Variants in PCDH15 observed in about 807,000 individuals in gnomAD.
The protein encoded by PCDH15 is protocadherin-15.
PCDH15 carries 129 observed loss-of-function variants against 178.5 expected under a neutral mutation model. The ratio of observed to expected loss-of-function variants is 0.72; its 90% CI spans 0.63 to 0.84. The LOEUF is 0.84. Ranked by LOEUF, PCDH15 falls within the 40% of genes least tolerant of loss-of-function variation. The pLI is 0.00. For synonymous variants in PCDH15, 800 were observed against 732.0 expected (o/e 1.09, Z -1.50); for missense variants, 2,230 against 2,099.9 (o/e 1.06, Z -1.21).
At chr10:55,426,685 C>T (rs1456942126) in intron 2 of PCDH15, among the ~76,000 whole-genome samples, 1 of 152,124 alleles carries the variant, frequency 6.6e-6, no homozygotes, top group African/African-American at 2.4e-5. Flanking sequence ...GGTATCCAAG[C>T]TCTTGTCCAA....
chr10:55,183,738 T>C (rs895625235), intron 1 of PCDH15, among the ~76,000 whole-genome samples: 2 of 151,718 alleles, frequency 1.3e-5, no homozygotes, highest in African/African-American at 4.8e-5. Context: ...TCCAGCAGAA[T>C]GTAATTTGGT....
chr10:54,419,475 T>C (rs567833038), intron 3 of PCDH15, among the ~76,000 whole-genome samples: 5 of 152,234 alleles, frequency 3.3e-5, no homozygotes, highest in Non-Finnish European at 7.4e-5. Flanking sequence ...TTCATTATCT[T>C]AACTAGATTC....
chr10:54,749,330 T>G (rs1175920066), intron 1 of PCDH15, among the ~76,000 whole-genome samples: 1 of 152,170 alleles, frequency 6.6e-6, no homozygotes, highest in African/African-American at 2.4e-5. Flanking sequence ...TACAAAGTAG[T>G]TAGTATTAAA....
At chr10:54,175,236 A>G (rs1373504983) in intron 13 of PCDH15, among the ~76,000 whole-genome samples, 1 of 152,176 alleles carries the variant, frequency 6.6e-6, no homozygotes, top group Non-Finnish European at 1.5e-5. Context: ...ATTGTCGTCT[A>G]TGGCCATACC....
intron 2 of PCDH15, among the ~76,000 whole-genome samples, chr10:55,611,119 G>A (rs1050129745): frequency 6.6e-6 from 1 of 151,988 alleles, no homozygotes; most frequent in Non-Finnish European, 1.5e-5. Flanking sequence ...TGGTTTGGGC[G>A]ATGATTTCTT....
chr10:55,159,104 A>C lies in PCDH15; in HGVS notation c.-80+7472T>G, dbSNP rs1591952513. On this transcript the variant is annotated intron_variant, in intron 2 of 5. Coordinates refer to the PCDH15 transcript ENST00000458638. The stretch of plus-strand genomic sequence containing the variant: ...ATGACTTTAGTACAGACAAATAGCT[A>C]GTGAATGGTGGTCTTGGGATTATAT... Among the ~76,000 whole-genome samples, 5 of 151,954 alleles carry C rather than the reference A, an allele frequency of 3.3e-5. No homozygotes were observed. In the South Asian group the frequency reaches 1.0e-3, roughly 31 times the overall value.
intron 2 of PCDH15, among the ~76,000 whole-genome samples, chr10:54,992,329 G>C (rs192949401): frequency 1.6e-4 from 24 of 152,142 alleles, no homozygotes; most frequent in Middle Eastern, 3.2e-3. Flanking sequence ...GATCCAAGCT[G>C]AGGCAATAAC....
intron 2 of PCDH15, among the ~76,000 whole-genome samples, chr10:55,607,931 GAGAGAGAGAGAA>G (rs1043137054): frequency 6.6e-6 from 1 of 151,150 alleles, no homozygotes; most frequent in East Asian, 1.9e-4. Context: ...CACAGAGACA[GAGAGAGAGAGAA>G]AGAGAGAGAG....
chr10:54,360,400 T>C (rs1945810794), intron 5 of PCDH15, among the ~76,000 whole-genome samples: 1 of 152,064 alleles, frequency 6.6e-6, no homozygotes, highest in Non-Finnish European at 1.5e-5. Flanking sequence ...AAATCCTTCT[T>C]TTCTGGCAAT....
At chr10:54,934,379 G>A (rs374769789) in intron 2 of PCDH15, among the ~76,000 whole-genome samples, 2 of 152,198 alleles carry the variant, frequency 1.3e-5, no homozygotes, top group Admixed American at 6.5e-5. Flanking sequence ...ACTATAGTCT[G>A]AAAATACTAA....
At chr10:54,253,431 G>A (rs1031586424) in intron 8 of PCDH15, among the ~76,000 whole-genome samples, 7 of 151,884 alleles carry the variant, frequency 4.6e-5, no homozygotes, top group Middle Eastern at 3.2e-3. Flanking sequence ...CATGTACATC[G>A]AGAATATTGA....
At chr10:55,516,710 G>A (rs540382628) in intron 2 of PCDH15, among the ~76,000 whole-genome samples, 1 of 152,198 alleles carries the variant, frequency 6.6e-6, no homozygotes, top group South Asian at 2.1e-4. Flanking sequence ...TCTTTTATAT[G>A]AATATTTGAC....
intron 9 of PCDH15, among the ~76,000 whole-genome samples, chr10:54,235,456 A>C (rs7086633): frequency 0.055 from 8,303 of 152,216 alleles, 559 homozygotes; most frequent in African/African-American, 0.17. Context: ...CAAGTCTGTT[A>C]TTAAATTTCA....
intron 2 of PCDH15, among the ~76,000 whole-genome samples, chr10:55,432,494 C>T (rs1004843223): frequency 6.6e-6 from 1 of 152,000 alleles, no homozygotes; most frequent in Non-Finnish European, 1.5e-5. Flanking sequence ...AAGTTGGAGA[C>T]CTGTTTGGAG....
At chr10:54,225,056 A>G (rs947815291) in intron 9 of PCDH15, among the ~76,000 whole-genome samples, 2 of 152,102 alleles carry the variant, frequency 1.3e-5, no homozygotes, top group African/African-American at 2.4e-5. Context: ...CAATATCTCA[A>G]CTTCAAAAAA....
chr10:54,060,543 G>A (rs1257467987), intron 18 of PCDH15, among the ~76,000 whole-genome samples: 1 of 152,072 alleles, frequency 6.6e-6, no homozygotes. Flanking sequence ...TATATTATGT[G>A]TATGTATTAA....
rs534215070 is a variant in PCDH15, at chr10:55,067,665, T to C, written c.-80+98911A>G. Among the ~76,000 whole-genome samples the C allele has an allele frequency of 2.0e-5, 3 of 147,294 alleles. No homozygotes were observed. The East Asian group carries it at 6.1e-4, about 30-fold the overall frequency. On this transcript the variant is annotated intron_variant, in intron 2 of 5. Coordinates refer to the PCDH15 transcript ENST00000458638. ...TTTTTTTTTTTTTGAGAAACTTCCATGCTGCTTTCTATGGTGGTTGTACTA... is the reference window on the plus strand; with the variant it reads ...TTTTTTTTTTTTTGAGAAACTTCCACGCTGCTTTCTATGGTGGTTGTACTA...
intron 2 of PCDH15, among the ~76,000 whole-genome samples, chr10:54,961,670 A>G (rs1470206878): frequency 6.6e-6 from 1 of 152,076 alleles, no homozygotes; most frequent in African/African-American, 2.4e-5. Context: ...ATTCCTCTAC[A>G]ATCTTCCAGA....
chr10:54,485,781 T>C (rs751830586), intron 3 of PCDH15, among the ~76,000 whole-genome samples: 8 of 151,986 alleles, frequency 5.3e-5, no homozygotes, highest in Admixed American at 1.3e-4. Flanking sequence ...GCAATTCACA[T>C]TGAGTTCTGA....
Sources: allele counts gnomAD v4.1 joint callset (sites outside exome capture counted in the v4.1 genomes callset), GRCh38; gene constraint gnomAD v4.1.1; transcripts MANE v1.5; gene names NCBI Gene and HGNC (gene_info 2026-07-23, HGNC 2026-07-21).